Variants in GRIA1 observed in about 807,000 individuals in gnomAD.
GRIA1 encodes glutamate ionotropic receptor AMPA type subunit 1, also known as glutamate receptor 1.
Under a neutral mutation model 99.2 loss-of-function variants are expected in GRIA1, and 31 were observed. The observed-to-expected ratio is 0.31, with a 90% CI of 0.23 to 0.42. GRIA1 has a LOEUF of 0.42. GRIA1 is among the 10% of genes least tolerant of loss of function. The pLI, the probability that GRIA1 is intolerant of heterozygous loss-of-function variation, is 1.00. For synonymous variants in GRIA1, 438 were observed against 432.4 expected, an observed-to-expected ratio of 1.01 and a Z score of -0.16; for missense variants, 782 against 1,157.5, an observed-to-expected ratio of 0.68 and a Z score of 4.71.
chr5:153,591,935 C>T (rs1268352906), intron 2 of GRIA1, among the ~76,000 whole-genome samples: 5 of 152,248 alleles, frequency 3.3e-5, no homozygotes, highest in South Asian at 2.1e-4. Context: ...TAACTGTACC[C>T]GGAAGAAAAA....
chr5:153,494,093 G>A, intron 2 of GRIA1, 28 bp downstream of exon 2: 1 of 1,609,922 alleles, frequency 6.2e-7, no homozygotes, highest in South Asian at 1.1e-5. Flanking sequence ...TTTCTGAGAT[G>A]TCTTTCTGCG....
At chr5:153,632,775 C>T (rs1753074091) in intron 2 of GRIA1, among the ~76,000 whole-genome samples, 1 of 152,142 alleles carries the variant, frequency 6.6e-6, no homozygotes, top group Non-Finnish European at 1.5e-5. Flanking sequence ...AGACCCAGCC[C>T]TGTCCTACAG....
intron 14 of GRIA1, among the ~76,000 whole-genome samples, chr5:153,797,746 A>G (rs1446757416): frequency 3.3e-5 from 5 of 152,048 alleles, no homozygotes; most frequent in Non-Finnish European, 7.4e-5. Flanking sequence ...CTGAGCACAC[A>G]CTGCTGAGAA....
intron 11 of GRIA1, among the ~76,000 whole-genome samples, chr5:153,734,854 T>A (rs1198052329): frequency 6.6e-6 from 1 of 152,176 alleles, no homozygotes; most frequent in Non-Finnish European, 1.5e-5. Context: ...GGAACTTGGA[T>A]CTTATCTTAA....
chr5:153,706,116 G>GTTTGTTTGTTTT (rs776345519), intron 11 of GRIA1, 49 bp downstream of exon 11: 3 of 1,430,486 alleles, frequency 2.1e-6, no homozygotes, highest in South Asian at 1.2e-5. Context: ...GGTTTTGTTT[G>GTTTGTTTGTTTT]TTTGTTTGTT....
At chr5:153,658,962 T>TCAAAA (rs373891752) in intron 5 of GRIA1, among the ~76,000 whole-genome samples, 37,482 of 149,744 alleles carry the variant, frequency 0.25, 5,615 homozygotes, top group Non-Finnish European at 0.34. Context: ...AGGCAAGGAG[T>TCAAAA]CAAAACAAAA....
intron 2 of GRIA1, among the ~76,000 whole-genome samples, chr5:153,619,051 A>G (rs971798338): frequency 1.3e-5 from 2 of 152,198 alleles, no homozygotes; most frequent in African/African-American, 4.8e-5. Flanking sequence ...GTCTGTGCAG[A>G]CTTAGATAGC....
intron 2 of GRIA1, among the ~76,000 whole-genome samples, chr5:153,630,212 G>T (rs550055547): frequency 6.6e-6 from 1 of 152,110 alleles, no homozygotes; most frequent in East Asian, 1.9e-4. Context: ...CTCAGTATAT[G>T]CAAGCACCTA....
intron 2 of GRIA1, among the ~76,000 whole-genome samples, chr5:153,499,652 T>C (rs1233548505): frequency 7.1e-6 from 1 of 141,020 alleles, no homozygotes; most frequent in Non-Finnish European, 1.5e-5. Context: ...TATGAATATA[T>C]GGACAGAGAA....
intron 2 of GRIA1, among the ~76,000 whole-genome samples, chr5:153,582,187 G>C (rs1763102733): frequency 6.6e-6 from 1 of 152,174 alleles, no homozygotes; most frequent in Admixed American, 6.5e-5. Context: ...TTTTTACAGA[G>C]GGAGAAGTTA....
At chr5:153,704,102 T>G (rs1178903698) in intron 10 of GRIA1, among the ~76,000 whole-genome samples, 1 of 152,244 alleles carries the variant, frequency 6.6e-6, no homozygotes, top group African/African-American at 2.4e-5. Flanking sequence ...AAGTGAAAAC[T>G]TAATTCATCC....
intron 2 of GRIA1, among the ~76,000 whole-genome samples, chr5:153,503,000 C>T (rs1371088551): frequency 6.6e-6 from 1 of 152,138 alleles, no homozygotes; most frequent in Non-Finnish European, 1.5e-5. Flanking sequence ...TGATTTTTTG[C>T]ATATTACAAC....
intron 7 of GRIA1, among the ~76,000 whole-genome samples, chr5:153,684,040 C>T (rs113000091): frequency 1.1e-4 from 16 of 152,236 alleles, no homozygotes; most frequent in African/African-American, 3.9e-4. Flanking sequence ...CACTTGGTAC[C>T]TTAAGTGAAG....
chr5:153,765,867 C>A (rs947952125), intron 12 of GRIA1, among the ~76,000 whole-genome samples: 2 of 152,156 alleles, frequency 1.3e-5, no homozygotes, highest in Non-Finnish European at 2.9e-5. Context: ...GGATAGGTCC[C>A]CATTTTATAG....
chr5:153,723,904 C>G (rs574118024), intron 11 of GRIA1, among the ~76,000 whole-genome samples: 3 of 152,222 alleles, frequency 2.0e-5, no homozygotes, highest in Admixed American at 6.5e-5. Flanking sequence ...GTTCTCCCAT[C>G]ATGCAGCTGG....
intron 11 of GRIA1, among the ~76,000 whole-genome samples, chr5:153,710,859 T>C (rs1759266421): frequency 6.6e-6 from 1 of 152,194 alleles, no homozygotes; most frequent in South Asian, 2.1e-4. Flanking sequence ...ATGAATAAAA[T>C]GAACCTGCTG....
At chr5:153,542,758 C>T (rs1759244299) in intron 2 of GRIA1, among the ~76,000 whole-genome samples, 1 of 152,206 alleles carries the variant, frequency 6.6e-6, no homozygotes, top group Admixed American at 6.5e-5. Context: ...TAGAAGATTT[C>T]CTTAACCACT....
At chr5:153,747,494 C>T (rs962221714) in intron 11 of GRIA1, among the ~76,000 whole-genome samples, 6 of 152,136 alleles carry the variant, frequency 3.9e-5, no homozygotes, top group African/African-American at 1.4e-4. Flanking sequence ...ACCCACCTGG[C>T]CCAAAGAAAG....
At chr5:153,513,126 T>C (rs926232046) in intron 2 of GRIA1, among the ~76,000 whole-genome samples, 1 of 152,216 alleles carries the variant, frequency 6.6e-6, no homozygotes, top group Admixed American at 6.5e-5. Flanking sequence ...TATTTGGTTA[T>C]GGCATCCTGA....
Sources: allele counts gnomAD v4.1 joint callset (sites outside exome capture counted in the v4.1 genomes callset), GRCh38; gene constraint gnomAD v4.1.1; transcripts MANE v1.5; gene names NCBI Gene and HGNC (gene_info 2026-07-23, HGNC 2026-07-21).